Variants in RBFOX1 observed in about 807,000 individuals in gnomAD.
RBFOX1 encodes RNA binding fox-1 homolog 1.
RBFOX1 carries 8 observed loss-of-function variants against 57.7 expected under a neutral mutation model. The ratio of observed to expected loss-of-function variants is 0.14; its 90% confidence interval spans 0.08 to 0.25. The LOEUF is 0.25. Among genes scored for constraint, RBFOX1 ranks in the 10% least tolerant of loss-of-function variants. The pLI, the probability that RBFOX1 is intolerant of heterozygous loss-of-function variation, is 1.00. For synonymous variants in RBFOX1, 326 were observed against 222.4 expected (o/e 1.47, Z -4.15); for missense variants, 611 against 548.5 (o/e 1.11, Z -1.14).
intron 1 of RBFOX1, among the ~76,000 whole-genome samples, chr16:5,427,044 T>C (rs77254685): frequency 8.4e-4 from 128 of 152,254 alleles, no homozygotes; most frequent in African/African-American, 2.9e-3. Context: ...CTCTGTTTTT[T>C]TGGCTTTTAC....
intron 4 of RBFOX1, among the ~76,000 whole-genome samples, chr16:7,182,888 C>G (rs951618297): frequency 6.6e-6 from 1 of 152,144 alleles, no homozygotes; most frequent in Non-Finnish European, 1.5e-5. Flanking sequence ...AAAGATCTTC[C>G]CTGTTCACAA....
chr16:6,030,783 T>TA, intron 1 of RBFOX1, among the ~76,000 whole-genome samples: 1 of 152,302 alleles, frequency 6.6e-6, no homozygotes, highest in Non-Finnish European at 1.5e-5. Flanking sequence ...TTTCTCCTTT[T>TA]AAAAAACATT....
chr16:5,872,784 C>G (rs886170135), intron 4 of RBFOX1, among the ~76,000 whole-genome samples: 8 of 151,876 alleles, frequency 5.3e-5, no homozygotes, highest in Non-Finnish European at 4.4e-5. Context: ...TAAGACAGAG[C>G]CTGGCATACA....
chr16:5,621,550 C>T (rs1596484487), intron 3 of RBFOX1, among the ~76,000 whole-genome samples: 1 of 152,120 alleles, frequency 6.6e-6, no homozygotes, highest in Admixed American at 6.5e-5. Flanking sequence ...GGAGGGTTTA[C>T]ATAGAAGGTG....
At chr16:6,998,527 C>G (rs957676706) in intron 3 of RBFOX1, among the ~76,000 whole-genome samples, 1 of 152,236 alleles carries the variant, frequency 6.6e-6, no homozygotes, top group South Asian at 2.1e-4. Context: ...AAGCAAGAGA[C>G]AAAGTTCTAA....
chr16:5,257,445 C>T (rs1018446299), intron 1 of RBFOX1, among the ~76,000 whole-genome samples: 5 of 152,182 alleles, frequency 3.3e-5, no homozygotes, highest in Non-Finnish European at 5.9e-5. Context: ...TCCCAGCATC[C>T]TCCTGTGCAC....
chr16:6,416,708 G>A (rs189518168), intron 2 of RBFOX1, among the ~76,000 whole-genome samples: 2 of 152,036 alleles, frequency 1.3e-5, no homozygotes, highest in Non-Finnish European at 2.9e-5. Context: ...TGCTGCATTC[G>A]CACCTGTCAG....
intron 1 of RBFOX1, among the ~76,000 whole-genome samples, chr16:6,045,381 A>G (rs2095484814): frequency 6.6e-6 from 1 of 152,170 alleles, no homozygotes; most frequent in East Asian, 1.9e-4. Context: ...TCTAGGAAGT[A>G]GGAAATTTGT....
chr16:5,971,763 A>G (rs1053241274), intron 4 of RBFOX1, among the ~76,000 whole-genome samples: 1 of 152,292 alleles, frequency 6.6e-6, no homozygotes, highest in South Asian at 2.1e-4. Flanking sequence ...GGTTAATTTT[A>G]TGTGTCAAGC....
chr16:7,594,048 CGT>C (rs1366482590), intron 7 of RBFOX1, among the ~76,000 whole-genome samples: 1 of 152,040 alleles, frequency 6.6e-6, no homozygotes, highest in Non-Finnish European at 1.5e-5. Context: ...CATAGGTATA[CGT>C]GTGCCATATT....
At position 7,353,231 on chromosome 16, in the gene RBFOX1, C is replaced by G. The variant is rs530906816; in HGVS notation, c.28-164916C>G. 2.6e-5 allele frequency among the ~76,000 whole-genome samples: 4 copies of G among 152,244 alleles called. No individual in the cohort carries two copies. In the South Asian group the frequency reaches 8.3e-4, roughly 32 times the overall value. On this transcript the variant is annotated intron_variant, in intron 4 of 15. Coordinates refer to ENST00000550418, the MANE Select transcript of RBFOX1 (RefSeq NM_018723.4). The stretch of plus-strand genomic sequence containing the variant: ...TAATTTAACTGGACATTCACCATCA[C>G]TAGCCATAAATAAATGGTACCTATT...
At chr16:7,591,079 G>A (rs137864734) in intron 7 of RBFOX1, among the ~76,000 whole-genome samples, 3 of 152,158 alleles carry the variant, frequency 2.0e-5, no homozygotes, top group South Asian at 2.1e-4. Context: ...CTGAGAGTCC[G>A]GACAGGCAGG....
intron 4 of RBFOX1, among the ~76,000 whole-genome samples, chr16:7,449,249 C>A (rs140643255): frequency 6.6e-6 from 1 of 152,056 alleles, no homozygotes; most frequent in Non-Finnish European, 1.5e-5. Context: ...CAAATAAGGT[C>A]ATATTCTAAA....
At chr16:7,581,519 T>C (rs1245915857) in intron 6 of RBFOX1, among the ~76,000 whole-genome samples, 4 of 152,172 alleles carry the variant, frequency 2.6e-5, no homozygotes, top group Non-Finnish European at 5.9e-5. Flanking sequence ...CACTCTTTCA[T>C]GGTGTCACTC....
chr16:6,877,357 A>C (rs752449509), intron 3 of RBFOX1, among the ~76,000 whole-genome samples: 1 of 152,194 alleles, frequency 6.6e-6, no homozygotes, highest in Non-Finnish European at 1.5e-5. Flanking sequence ...GCAGAACACA[A>C]AAATGTAATT....
At chr16:5,893,374 C>T (rs550804534) in intron 4 of RBFOX1, among the ~76,000 whole-genome samples, 1 of 152,112 alleles carries the variant, frequency 6.6e-6, no homozygotes, top group Non-Finnish European at 1.5e-5. Context: ...AGACTATAGT[C>T]AAAAACAATA....
intron 4 of RBFOX1, among the ~76,000 whole-genome samples, chr16:7,445,829 T>C (rs1416440146): frequency 6.6e-6 from 1 of 152,244 alleles, no homozygotes; most frequent in East Asian, 1.9e-4. Flanking sequence ...ATAGAACCTT[T>C]ATCTCAATAT....
intron 4 of RBFOX1, among the ~76,000 whole-genome samples, chr16:5,932,849 G>A (rs1042889790): frequency 5.3e-5 from 8 of 151,902 alleles, no homozygotes; most frequent in African/African-American, 1.5e-4. Flanking sequence ...CCTCACACCC[G>A]CCACTCCCTG....
chr16:6,514,907 G>A (rs1340247448), intron 2 of RBFOX1, among the ~76,000 whole-genome samples: 1 of 151,956 alleles, frequency 6.6e-6, no homozygotes, highest in African/African-American at 2.4e-5. Context: ...GAAAAAAGAG[G>A]GAGAGAAAAG....
Sources: gnomAD v4.1 joint callset for allele counts (sites outside exome capture counted in the v4.1 genomes callset) on GRCh38, gnomAD v4.1.1 for gene constraint, MANE v1.5 for transcripts, NCBI Gene and HGNC (gene_info 2026-07-23, HGNC 2026-07-21) for gene names.